Variants in MVB12B observed in about 807,000 individuals in gnomAD.
The protein encoded by MVB12B is multivesicular body subunit 12B.
MVB12B carries 16 observed loss-of-function variants against 41.6 expected under a neutral mutation model. The ratio of observed to expected loss-of-function variants is 0.38; its 90% CI spans 0.26 to 0.58. The LOEUF is 0.58. MVB12B is among the 20% of genes least tolerant of loss of function. The probability of loss-of-function intolerance (pLI) is 0.62; values close to 1 mark genes in which losing one functional copy is unlikely to be tolerated. For synonymous variants in MVB12B, 133 were observed against 139.7 expected (o/e 0.95, Z 0.34); for missense variants, 274 against 380.2 (o/e 0.72, Z 2.32).
chr9:126,501,500 C>CA (rs1198924457), intron 9 of MVB12B, among the ~76,000 whole-genome samples: 1 of 152,234 alleles, frequency 6.6e-6, no homozygotes, highest in Non-Finnish European at 1.5e-5. Context: ...GGGACAGAGC[C>CA]AGCCTCAGCC....
intron 1 of MVB12B, among the ~76,000 whole-genome samples, chr9:126,335,991 C>T (rs1564277784): frequency 6.6e-6 from 1 of 152,258 alleles, no homozygotes; most frequent in Non-Finnish European, 1.5e-5. Context: ...TGGCTGGCGC[C>T]GCTTCTGAGC....
At chr9:126,483,848 G>A in intron 8 of MVB12B, 125 bp from the exon 9 acceptor site, 1 of 968,222 alleles carries the variant, frequency 1.0e-6, no homozygotes, top group East Asian at 2.4e-5. Flanking sequence ...TCTTCCTGTG[G>A]AAAGTGGGTA....
At chr9:126,363,331 G>A (rs964295071) in intron 2 of MVB12B, among the ~76,000 whole-genome samples, 3 of 152,192 alleles carry the variant, frequency 2.0e-5, no homozygotes, top group African/African-American at 4.8e-5. Flanking sequence ...AAATTTATGA[G>A]GTATGTATAT....
chr9:126,405,490 A>G (rs900369987), intron 6 of MVB12B, among the ~76,000 whole-genome samples: 6 of 152,142 alleles, frequency 3.9e-5, no homozygotes, highest in African/African-American at 1.4e-4. Flanking sequence ...ATCAGAGTGG[A>G]AGCTGACAGT....
intron 2 of MVB12B, among the ~76,000 whole-genome samples, chr9:126,343,471 T>C (rs1375625748): frequency 1.3e-5 from 2 of 152,246 alleles, no homozygotes. Flanking sequence ...CTACAGTGCC[T>C]GTGTGCAGAA....
At chr9:126,440,619 C>T (rs1168304336) in intron 7 of MVB12B, among the ~76,000 whole-genome samples, 2 of 152,116 alleles carry the variant, frequency 1.3e-5, no homozygotes, top group African/African-American at 4.8e-5. Context: ...TTCTCCAGGC[C>T]CCACTTCTAA....
Position 126,459,609 on chromosome 9 carries a change from A to G in MVB12B, c.758-21760A>G, listed in dbSNP as rs1001391940. Among the ~76,000 whole-genome samples the G allele has an allele frequency of 1.4e-4, 22 of 152,158 alleles. No homozygotes were observed. Among genetic ancestry groups the G allele is most frequent in the Non-Finnish European group, 2.9e-4 (20 of 68,020 alleles). On this transcript the variant is annotated intron_variant, in intron 7 of 9. Transcript: ENST00000361171. This position sits in a 1 kb window ranked among gnomAD's most constrained non-coding sequence, Gnocchi z 4.3. Reference sequence around the variant, plus strand: ...CCAAAGCCTCGGGAGGCTTGGGGCTAAGGATGTGTATTTTCGCACGCAGCC... The same window carrying G: ...CCAAAGCCTCGGGAGGCTTGGGGCTGAGGATGTGTATTTTCGCACGCAGCC...
intron 7 of MVB12B, among the ~76,000 whole-genome samples, chr9:126,425,611 T>C (rs1433909849): frequency 6.6e-6 from 1 of 152,236 alleles, no homozygotes; most frequent in Non-Finnish European, 1.5e-5. Flanking sequence ...TTAGAAAATA[T>C]GATTTTTTTT....
At chr9:126,465,213 A>G (rs1206997099) in intron 7 of MVB12B, among the ~76,000 whole-genome samples, 1 of 152,196 alleles carries the variant, frequency 6.6e-6, no homozygotes, top group Non-Finnish European at 1.5e-5. Flanking sequence ...TTACCAATAC[A>G]TATTTAATAC....
intron 8 of MVB12B, 32 bp downstream of exon 8, chr9:126,481,456 T>A: frequency 6.5e-7 from 1 of 1,545,000 alleles, no homozygotes; most frequent in Non-Finnish European, 9.0e-7. Context: ...CCTTCCCCTC[T>A]GCCACCCCCC....
intron 7 of MVB12B, among the ~76,000 whole-genome samples, chr9:126,474,821 T>C (rs141459650): frequency 3.7e-4 from 57 of 152,302 alleles, no homozygotes; most frequent in Middle Eastern, 3.4e-3. Context: ...CTGCTTCTCC[T>C]TTCCCTCACA....
intron 2 of MVB12B, among the ~76,000 whole-genome samples, chr9:126,371,057 T>G (rs1830322548): frequency 6.6e-6 from 1 of 152,240 alleles, no homozygotes; most frequent in South Asian, 2.1e-4. Context: ...GTAGTGACGA[T>G]CAGGTGTCTG....
rs114560389 is a variant in MVB12B at position 126,494,318 on chromosome 9, C to A, written c.874-8859C>A. On this transcript the variant is annotated intron_variant, in intron 9 of 9. Transcript: ENST00000361171. ...TCCCCACTGCCCTTTTGGGTCTTCT[C>A]GGCAGCCAGTGTCCTGGCAGCCACC... Among the ~76,000 whole-genome samples, 709 of 152,292 alleles carry A rather than the reference C, an allele frequency of 4.7e-3. 3 individuals are homozygous for A. Among genetic ancestry groups the A allele is most frequent in the African/African-American group, 0.016 (684 of 41,552 alleles).
rs1261578356 is a variant in MVB12B, at chr9:126,478,116, T to C, written c.758-3253T>C. Among the ~76,000 whole-genome samples, 1 of 152,238 alleles carries C rather than the reference T, an allele frequency of 6.6e-6. No homozygotes were observed. Among genetic ancestry groups the C allele is most frequent in the Admixed American group, 6.5e-5 (1 of 15,290 alleles). On this transcript the variant is annotated intron_variant, in intron 7 of 9. Coordinates refer to ENST00000361171, the MANE Select transcript of MVB12B (RefSeq NM_033446.3). The surrounding 1 kb of genome is among the most constrained non-coding windows in gnomAD (Gnocchi z 4.2). ...GATGATCGCACACCATTGTGAATGTTCTAAATGCCACTGAATTGTTCACTT... is the reference window on the plus strand; with the variant it reads ...GATGATCGCACACCATTGTGAATGTCCTAAATGCCACTGAATTGTTCACTT...
intron 9 of MVB12B, among the ~76,000 whole-genome samples, chr9:126,492,026 G>T (rs1205518211): frequency 6.6e-6 from 1 of 151,500 alleles, no homozygotes; most frequent in Admixed American, 6.6e-5. Context: ...AGTGTTTCCT[G>T]AGTACCAAGG....
intron 6 of MVB12B, among the ~76,000 whole-genome samples, chr9:126,410,166 TGTGTGTGC>T (rs1026646959): frequency 5.9e-5 from 9 of 151,884 alleles, no homozygotes; most frequent in South Asian, 4.2e-4. Context: ...TGTGTGTGTG[TGTGTGTGC>T]ACGCATGCAC....
At chr9:126,342,126 G>A (rs572939508) in intron 2 of MVB12B, among the ~76,000 whole-genome samples, 4 of 152,344 alleles carry the variant, frequency 2.6e-5, no homozygotes, top group East Asian at 3.9e-4. Flanking sequence ...TAATAAAAAT[G>A]TTCCTGATTT....
At chr9:126,458,380 C>T (rs1014445015) in intron 7 of MVB12B, among the ~76,000 whole-genome samples, 2 of 152,104 alleles carry the variant, frequency 1.3e-5, no homozygotes, top group Admixed American at 6.6e-5. Context: ...CTAGGCTGTT[C>T]GGGGGCCTCT....
At position 126,486,541 on chromosome 9, in the gene MVB12B, A is replaced by G. The variant is rs1833622762; in HGVS notation, c.873+2509A>G. Among the ~76,000 whole-genome samples, 2 of 152,180 alleles carry G rather than the reference A, an allele frequency of 1.3e-5. No individual in the cohort carries two copies. The highest frequency in any genetic ancestry group is 4.8e-5 in the African/African-American group (2 of 41,448). The stretch of plus-strand genomic sequence containing the variant: ...GGGTGCTTTGTGATGCCAAATGGAT[A>G]TAGGTGGGACGTGCTGGCAGCAGCG... On this transcript the variant is annotated intron_variant, in intron 9 of 9. Coordinates refer to ENST00000361171, the MANE Select transcript of MVB12B (RefSeq NM_033446.3). This position sits in a 1 kb window ranked among gnomAD's most constrained non-coding sequence, Gnocchi z 4.7.
Sources: allele counts gnomAD v4.1 joint callset (sites outside exome capture counted in the v4.1 genomes callset), GRCh38; gene constraint gnomAD v4.1.1; non-coding constraint Gnocchi (gnomAD v3.1); transcripts MANE v1.5; gene names NCBI Gene and HGNC (gene_info 2026-07-23, HGNC 2026-07-21).